The following FANK1 variants were observed in gnomAD, a reference collection of about 807,000 sequenced individuals.
FANK1 encodes fibronectin type III and ankyrin repeat domains 1.
FANK1 carries 44 observed loss-of-function variants against 45.3 expected under a neutral mutation model. The ratio of observed to expected loss-of-function variants is 0.97; its 90% CI spans 0.76 to 1.25. The LOEUF is 1.25. FANK1 is among the 50% of genes most tolerant of loss of function. The probability of loss-of-function intolerance (pLI) is 0.00; values close to 1 mark genes in which losing one functional copy is unlikely to be tolerated. For missense variants in FANK1, 391 were observed against 424.4 expected, an observed-to-expected ratio of 0.92 and a Z score of 0.69; for synonymous variants, 149 against 152.5, an observed-to-expected ratio of 0.98 and a Z score of 0.17.
At chr10:125,951,236 T>TAAAA (rs71029275) in intron 1 of FANK1, among the ~76,000 whole-genome samples, 2 of 131,604 alleles carry the variant, frequency 1.5e-5, no homozygotes, top group Non-Finnish European at 3.3e-5. Flanking sequence ...ACTTAAAGTA[T>TAAAA]AAAAAAAAAA....
chr10:125,997,655 C>T lies in FANK1; in HGVS notation c.539+170C>T, dbSNP rs116419360. Among the ~76,000 whole-genome samples the T allele has an allele frequency of 2.0e-3, 304 of 152,356 alleles. 1 individual carries two copies. Among genetic ancestry groups the T allele is most frequent in the African/African-American group, 7.1e-3 (294 of 41,588 alleles). On this transcript the variant is annotated intron_variant, in intron 6 of 10. Coordinates refer to ENST00000368693, the MANE Select transcript of FANK1 (RefSeq NM_145235.5). ...GTGATCACAAAAGCTGGCTTGCTCA[C>T]ATGGTCTTGTGCTTTTGCTCACCAG...
chr10:125,992,038 C>G (rs1002936138), intron 3 of FANK1, among the ~76,000 whole-genome samples: 2 of 152,084 alleles, frequency 1.3e-5, no homozygotes, highest in South Asian at 2.1e-4. Flanking sequence ...ATTGTAATTG[C>G]AACACTCAGG....
chr10:125,997,073 GA>G (rs1303193813), intron 5 of FANK1, among the ~76,000 whole-genome samples: 1 of 151,832 alleles, frequency 6.6e-6, no homozygotes, highest in Non-Finnish European at 1.5e-5. Context: ...AATGCCATTT[GA>G]AAAAAACAGA....
intron 1 of FANK1, among the ~76,000 whole-genome samples, chr10:125,970,223 C>T (rs1317669721): frequency 6.6e-5 from 10 of 151,842 alleles, no homozygotes; most frequent in East Asian, 2.0e-4. Flanking sequence ...GCCCCCCACC[C>T]CCCAGAGGGG....
At chr10:125,952,569 A>T (rs1949311019) in intron 1 of FANK1, among the ~76,000 whole-genome samples, 1 of 152,092 alleles carries the variant, frequency 6.6e-6, no homozygotes, top group African/African-American at 2.4e-5. Flanking sequence ...CTGGACACCA[A>T]AGCACTTCTC....
At chr10:125,899,080 G>A (rs1944822326) in intron 1 of FANK1, among the ~76,000 whole-genome samples, 1 of 152,070 alleles carries the variant, frequency 6.6e-6, no homozygotes, top group Non-Finnish European at 1.5e-5. Context: ...TTTATTTAGA[G>A]ACAGAGTTTC....
chr10:125,930,276 C>T (rs768966699), intron 1 of FANK1, among the ~76,000 whole-genome samples: 3 of 151,918 alleles, frequency 2.0e-5, no homozygotes, highest in South Asian at 2.1e-4. Context: ...TCAGGTGACC[C>T]GCCTGCCTAG....
At chr10:125,944,947 T>C (rs1948677835) in intron 1 of FANK1, among the ~76,000 whole-genome samples, 1 of 152,200 alleles carries the variant, frequency 6.6e-6, no homozygotes, top group South Asian at 2.1e-4. Context: ...TGTGTGTGTC[T>C]TTAATTCCTC....
rs769493864 is a variant in FANK1 at position 125,980,279 on chromosome 10, G to T, written c.132G>T (p.Trp44Cys). Reference protein sequence around the residue: ...KAKRQGPQEQWFRFSIEEEDP... With the variant: ...KAKRQGPQEQCFRFSIEEEDP... ...AACGCCAAGGACCTCAAGAGCAGTG[G>T]TTCAGGTTCTCGATTGAAGAAGAAG... Residue 44 changes from tryptophan (W) to cysteine (C), a missense_variant, in exon 2 of 11, where the codon TGG (tryptophan) becomes TGT (cysteine). By Grantham distance (215) the Trp-to-Cys change is radical. Coordinates refer to ENST00000368693, the MANE Select transcript of FANK1 (RefSeq NM_145235.5). 3 of 1,614,088 alleles carry T rather than the reference G, an allele frequency of 1.9e-6. No individual in the cohort carries two copies. In the South Asian group the frequency reaches 3.3e-5, roughly 18 times the overall value.
At chr10:125,996,896 G>C (rs1225553236) in intron 5 of FANK1, among the ~76,000 whole-genome samples, 3 of 151,888 alleles carry the variant, frequency 2.0e-5, no homozygotes, top group Non-Finnish European at 4.4e-5. Flanking sequence ...TGGAAAACTG[G>C]TTATTGGAAT....
chr10:125,945,608 G>A (rs1370397843), intron 1 of FANK1, among the ~76,000 whole-genome samples: 5 of 152,316 alleles, frequency 3.3e-5, no homozygotes, highest in South Asian at 2.1e-4. Context: ...CTACGCCCAC[G>A]GAATCTCGCT....
chr10:125,911,290 A>G (rs574754798), intron 1 of FANK1, among the ~76,000 whole-genome samples: 1 of 152,318 alleles, frequency 6.6e-6, no homozygotes, highest in African/African-American at 2.4e-5. Context: ...GAAAGCCGTC[A>G]GCAGAAGGAA....
chr10:125,924,903 T>G (rs548856574), intron 1 of FANK1, among the ~76,000 whole-genome samples: 14 of 151,036 alleles, frequency 9.3e-5, no homozygotes, highest in South Asian at 4.1e-4. Flanking sequence ...ATGATGAATT[T>G]GCCTTATTTT....
chr10:125,934,510 A>G (rs1400076686), intron 1 of FANK1, among the ~76,000 whole-genome samples: 1 of 151,982 alleles, frequency 6.6e-6, no homozygotes, highest in Non-Finnish European at 1.5e-5. Context: ...CTGGCTAGTT[A>G]TGGGGACTGA....
At chr10:125,923,747 C>CA (rs1947116022) in intron 1 of FANK1, among the ~76,000 whole-genome samples, 1 of 152,014 alleles carries the variant, frequency 6.6e-6, no homozygotes, top group South Asian at 2.1e-4. Context: ...AGGCTGGTCT[C>CA]AAACTCCTGA....
chr10:125,906,218 C>CA (rs776273200), intron 1 of FANK1, among the ~76,000 whole-genome samples: 113 of 151,816 alleles, frequency 7.4e-4, no homozygotes, highest in Non-Finnish European at 1.3e-3. Context: ...AGGTCCGTTA[C>CA]AAAAAAAGAA....
intron 7 of FANK1, among the ~76,000 whole-genome samples, 176 bp downstream of exon 7, chr10:126,005,225 C>T (rs1953093273): frequency 1.3e-5 from 2 of 151,902 alleles, no homozygotes; most frequent in South Asian, 2.1e-4. Flanking sequence ...GTGAGCTTTC[C>T]GATTGTCATG....
chr10:125,989,472 C>G (rs180916662), intron 3 of FANK1: 1 of 986,388 alleles, frequency 1.0e-6, no homozygotes, highest in Non-Finnish European at 1.6e-6. Context: ...TGGCTTTCAA[C>G]TGTGTCCTTT....
intron 1 of FANK1, among the ~76,000 whole-genome samples, chr10:125,975,881 G>A (rs1950822441): frequency 1.3e-5 from 2 of 152,182 alleles, no homozygotes. Flanking sequence ...TCATTAGCTG[G>A]TTATTATGTT....
Sources: gnomAD v4.1 joint callset for allele counts (sites outside exome capture counted in the v4.1 genomes callset) on GRCh38, gnomAD v4.1.1 for gene constraint, MANE v1.5 for transcripts, NCBI Gene and HGNC (gene_info 2026-07-23, HGNC 2026-07-21) for gene names.